ZYG11B: variants seen among roughly 807,000 people sequenced by gnomAD.
The protein encoded by ZYG11B is zyg-11 family member B, cell cycle regulator.
In ZYG11B, 36 loss-of-function variants were observed where a neutral mutation model predicts 82.4. The ratio of observed to expected loss-of-function variants is 0.44; its 90% CI spans 0.33 to 0.58. The LOEUF (loss-of-function observed/expected upper bound fraction) is 0.58, where lower values mean the gene tolerates loss of function less well. ZYG11B is among the 20% of genes least tolerant of loss of function. The probability of loss-of-function intolerance (pLI) is 0.02; values close to 1 mark genes in which losing one functional copy is unlikely to be tolerated. For missense variants in ZYG11B, 552 were observed against 895.6 expected (o/e 0.62, Z 4.90); for synonymous variants, 303 against 312.8 (o/e 0.97, Z 0.33).
chr1:52,796,280 T>C lies in ZYG11B; in HGVS notation c.1335-12T>C. On this transcript the variant is annotated splice_polypyrimidine_tract_variant and intron_variant, in intron 6 of 13. Coordinates refer to ENST00000294353, the MANE Select transcript of ZYG11B (RefSeq NM_024646.3). ...CCACGATTAATTCATGAAACCCTTTTTGTGTTTTCAGGTTTGAAGCAGCCA... is the reference window on the plus strand; with the variant it reads ...CCACGATTAATTCATGAAACCCTTTCTGTGTTTTCAGGTTTGAAGCAGCCA... The C allele has an allele frequency of 6.2e-7, 1 of 1,609,460 alleles. No individual in the cohort carries two copies. The highest frequency in any genetic ancestry group is 8.5e-7 in the Non-Finnish European group (1 of 1,175,972).
intron 1 of ZYG11B, among the ~76,000 whole-genome samples, chr1:52,745,477 C>G (rs746446150): frequency 6.6e-6 from 1 of 152,186 alleles, no homozygotes; most frequent in Non-Finnish European, 1.5e-5. Context: ...TTTATTCATA[C>G]TTACTTCTTA....
intron 1 of ZYG11B, among the ~76,000 whole-genome samples, chr1:52,746,687 GTTTTTTTTTTTT>G (rs11446988): frequency 4.8e-4 from 16 of 33,508 alleles, no homozygotes; most frequent in Admixed American, 1.1e-3. Flanking sequence ...ATCGGCCACT[GTTTTTTTTTTTT>G]TTTTTTTTTT....
chr1:52,750,256 C>T (rs976566314), intron 1 of ZYG11B, among the ~76,000 whole-genome samples: 10 of 146,422 alleles, frequency 6.8e-5, no homozygotes, highest in African/African-American at 2.3e-4. Flanking sequence ...AGCCACTCTG[C>T]CTGGCCCCCA....
chr1:52,751,302 A>G (rs947061642), intron 1 of ZYG11B, among the ~76,000 whole-genome samples: 3 of 142,048 alleles, frequency 2.1e-5, no homozygotes, highest in African/African-American at 7.9e-5. Flanking sequence ...TTTGATGGAT[A>G]TATTTGGGTT....
intron 5 of ZYG11B, among the ~76,000 whole-genome samples, chr1:52,788,820 T>TG (rs1276901101): frequency 6.6e-6 from 1 of 152,182 alleles, no homozygotes; most frequent in Non-Finnish European, 1.5e-5. Context: ...AATTAGGAGT[T>TG]TTCCAGCTAA....
At chr1:52,808,010 C>T (rs1187846546) in intron 10 of ZYG11B, among the ~76,000 whole-genome samples, 1 of 152,136 alleles carries the variant, frequency 6.6e-6, no homozygotes, top group Non-Finnish European at 1.5e-5. Flanking sequence ...AATCTGATGT[C>T]ATCATTATCT....
chr1:52,741,298 CAAAAAA>C (rs770092920), intron 1 of ZYG11B, among the ~76,000 whole-genome samples: 1 of 72,218 alleles, frequency 1.4e-5, no homozygotes, highest in African/African-American at 4.5e-5. Context: ...GACTTCGTCT[CAAAAAA>C]AAAAAAAAAA....
rs1327807981 is a variant in ZYG11B, at chr1:52,771,781, C to A, written c.951+7C>A. The A allele has an allele frequency of 4.4e-6, 7 of 1,595,662 alleles. No individual in the cohort carries two copies. Among genetic ancestry groups the A allele is most frequent in the Non-Finnish European group, 5.1e-6 (6 of 1,171,062 alleles). On this transcript the variant is annotated splice_region_variant and intron_variant, in intron 3 of 13. Coordinates refer to ENST00000294353, the MANE Select transcript of ZYG11B (RefSeq NM_024646.3). This position sits in a 1 kb window ranked among gnomAD's most constrained non-coding sequence, Gnocchi z 5.4. ...AGGCGAAGGACATTTGAAGGTTAGA[C>A]TTTAAAAATGTATTATTTTGTCAGG...
intron 1 of ZYG11B, among the ~76,000 whole-genome samples, chr1:52,731,949 G>GT (rs1487624569): frequency 1.3e-5 from 2 of 152,090 alleles, no homozygotes; most frequent in African/African-American, 2.4e-5. Context: ...GACTACAGGC[G>GT]TGCAGTACCA....
intron 1 of ZYG11B, among the ~76,000 whole-genome samples, chr1:52,750,299 T>G (rs1644510388): frequency 4.7e-5 from 7 of 148,994 alleles, no homozygotes; most frequent in Admixed American, 6.7e-5. Flanking sequence ...TGAGACGGAG[T>G]TTCACTCTTG....
In ZYG11B at chr1:52,823,705, C is replaced by T. The variant is rs1400593271; in HGVS notation, c.*2076C>T. The T allele has an allele frequency of 6.6e-6, 1 of 152,072 alleles. No homozygotes were observed. The highest frequency in any genetic ancestry group is 2.4e-5 in the African/African-American group (1 of 41,424). 9.4% of individuals were successfully genotyped at this position (152,072 alleles called of 1,614,324 possible). On this transcript the variant is annotated 3_prime_UTR_variant, in exon 14 of 14. Coordinates refer to ENST00000294353, the MANE Select transcript of ZYG11B (RefSeq NM_024646.3). ...GTTTCTGTTTTATAAGACAAAAGTG[C>T]ATATTTCTTTACAGGCTAATGCTAG...
Position 52,802,145 on chromosome 1 carries a change from A to T in ZYG11B, c.1695+6A>T. The T allele has an allele frequency of 6.2e-7, 1 of 1,608,244 alleles. No individual in the cohort carries two copies. The highest frequency in any genetic ancestry group is 8.5e-7 in the Non-Finnish European group (1 of 1,178,384). The stretch of plus-strand genomic sequence containing the variant: ...AGAAAGTTCTAGGACTTTTGGTAAG[A>T]TATAAGCACTTCCTGCTAAGTTCCA... On this transcript the variant is annotated splice_donor_region_variant and intron_variant, in intron 10 of 13. Coordinates refer to ENST00000294353, the MANE Select transcript of ZYG11B (RefSeq NM_024646.3).
Position 52,779,953 on chromosome 1 carries a change from T to G in ZYG11B, c.1052T>G (p.Leu351Arg). 6.2e-7 allele frequency: 1 copy of G among 1,614,018 alleles called. No individual in the cohort carries two copies. The highest frequency in any genetic ancestry group is 1.1e-5 in the South Asian group (1 of 91,014). ...GAAGCTCTATTTCATCTTTTTAGTCTGACTCATGTGATGGAAAAAACAAAG... is the reference window on the plus strand; with the variant it reads ...GAAGCTCTATTTCATCTTTTTAGTCGGACTCATGTGATGGAAAAAACAAAG... ...VREALFHLFS[L>R]THVMEKTKPE... Residue 351 changes from leucine to arginine, a missense_variant, in exon 4 of 14, where the codon CTG (leucine) becomes CGG (arginine). Leu to Arg is a moderately radical substitution (Grantham distance 102, BLOSUM62 -2). This residue lies in a region of ZYG11B where 359 missense variants were observed against 555.8 expected (regional missense o/e 0.65). Coordinates refer to ENST00000294353, the MANE Select transcript of ZYG11B (RefSeq NM_024646.3).
intron 10 of ZYG11B, among the ~76,000 whole-genome samples, chr1:52,805,783 C>G (rs535067621): frequency 6.6e-6 from 1 of 152,168 alleles, no homozygotes; most frequent in African/African-American, 2.4e-5. Context: ...GAACCAAGAT[C>G]ACGCCACTGT....
At chr1:52,746,714 T>TTTTTTTG (rs1644480681) in intron 1 of ZYG11B, among the ~76,000 whole-genome samples, 26 of 128,662 alleles carry the variant, frequency 2.0e-4, no homozygotes, top group African/African-American at 5.5e-4. Flanking sequence ...TTTTTTTTTT[T>TTTTTTTG]GCGGCTGGAA....
chr1:52,790,585 G>A (rs1044839983), intron 6 of ZYG11B, among the ~76,000 whole-genome samples: 2 of 152,008 alleles, frequency 1.3e-5, no homozygotes, highest in African/African-American at 4.8e-5. Context: ...GCCAGGTGTG[G>A]TGGCGCACGC....
At chr1:52,737,302 A>T (rs1644385934) in intron 1 of ZYG11B, among the ~76,000 whole-genome samples, 2 of 152,148 alleles carry the variant, frequency 1.3e-5, no homozygotes, top group South Asian at 4.1e-4. Flanking sequence ...TGTACAGTGT[A>T]TGTGCCCTGG....
chr1:52,789,514 C>T (rs990411334), intron 5 of ZYG11B, among the ~76,000 whole-genome samples: 2 of 152,062 alleles, frequency 1.3e-5, no homozygotes, highest in Non-Finnish European at 2.9e-5. Flanking sequence ...TTCATTTACT[C>T]TTGTTTAATT....
At chr1:52,729,563 C>G (rs1169595427) in intron 1 of ZYG11B, among the ~76,000 whole-genome samples, 1 of 152,162 alleles carries the variant, frequency 6.6e-6, no homozygotes, top group Admixed American at 6.6e-5. Context: ...TATTATAAAG[C>G]TTTGTATTTT....
Sources: allele counts gnomAD v4.1 joint callset (sites outside exome capture counted in the v4.1 genomes callset), GRCh38; gene constraint gnomAD v4.1.1; regional missense constraint gnomAD v4.1.1; non-coding constraint Gnocchi (gnomAD v3.1); transcripts MANE v1.5; gene names NCBI Gene and HGNC (gene_info 2026-07-23, HGNC 2026-07-21).